RGS22: variants seen among roughly 807,000 people sequenced by gnomAD.
RGS22 encodes regulator of G protein signaling 22.
Under a neutral mutation model 172.9 loss-of-function variants are expected in RGS22, and 148 were observed. The ratio of observed to expected loss-of-function variants is 0.86; its 90% CI spans 0.75 to 0.98. The LOEUF is 0.98. RGS22 is among the 50% of genes least tolerant of loss of function. RGS22 has a pLI of 0.00. For synonymous variants in RGS22, 458 were observed against 480.2 expected (o/e 0.95, Z 0.60); for missense variants, 1,347 against 1,440.8 (o/e 0.93, Z 1.05).
intron 9 of RGS22, among the ~76,000 whole-genome samples, chr8:100,055,186 C>A (rs1267508707): frequency 6.6e-6 from 1 of 152,182 alleles, no homozygotes; most frequent in Non-Finnish European, 1.5e-5. Flanking sequence ...GTGGTTACAG[C>A]AGGGCTTGGG....
chr8:100,023,450 T>C (rs1486518583), intron 14 of RGS22, among the ~76,000 whole-genome samples: 1 of 152,128 alleles, frequency 6.6e-6, no homozygotes, highest in Non-Finnish European at 1.5e-5. Context: ...AGAGCTAGGG[T>C]CTCACTCTGT....
chr8:100,080,654 C>G (rs1193543674), intron 3 of RGS22: 1 of 262,556 alleles, frequency 3.8e-6, no homozygotes, highest in Non-Finnish European at 7.3e-6. Context: ...GAAATATATA[C>G]CTGGCTCTAC....
At chr8:100,036,600 CTTTA>C (rs538508604) in intron 14 of RGS22, among the ~76,000 whole-genome samples, 96 of 152,126 alleles carry the variant, frequency 6.3e-4, no homozygotes, top group African/African-American at 2.1e-3. Flanking sequence ...TTCATAGAAA[CTTTA>C]TTTATTTATT....
intron 2 of RGS22, among the ~76,000 whole-genome samples, chr8:100,103,337 T>C (rs1813652023): frequency 1.3e-5 from 2 of 152,108 alleles, no homozygotes; most frequent in African/African-American, 2.4e-5. Flanking sequence ...AATGAGACAG[T>C]AGTTGTGTGG....
chr8:100,093,787 T>C (rs965315124), intron 2 of RGS22, among the ~76,000 whole-genome samples: 2 of 152,162 alleles, frequency 1.3e-5, no homozygotes, highest in African/African-American at 4.8e-5. Flanking sequence ...ATGAAAAATA[T>C]AGCACAACAC....
intron 9 of RGS22, among the ~76,000 whole-genome samples, chr8:100,060,498 T>C (rs1241800217): frequency 6.7e-6 from 1 of 148,970 alleles, no homozygotes; most frequent in Non-Finnish European, 1.5e-5. Context: ...AAGAATGTGC[T>C]CCAAGCTGAC....
chr8:100,065,060 C>A (rs946210124), intron 7 of RGS22, among the ~76,000 whole-genome samples: 6 of 152,220 alleles, frequency 3.9e-5, no homozygotes, highest in African/African-American at 1.4e-4. Context: ...AAATCTGCGC[C>A]TTGAATTGCC....
At chr8:100,009,177 G>C (rs911438831) in intron 14 of RGS22, among the ~76,000 whole-genome samples, 4 of 152,158 alleles carry the variant, frequency 2.6e-5, no homozygotes, top group Non-Finnish European at 5.9e-5. Flanking sequence ...CAGCACTTTG[G>C]GAGGCCAAGG....
At chr8:100,095,338 C>T (rs1441490833) in intron 2 of RGS22, among the ~76,000 whole-genome samples, 3 of 152,088 alleles carry the variant, frequency 2.0e-5, no homozygotes, top group Non-Finnish European at 2.9e-5. Flanking sequence ...CACATGCCAC[C>T]GTGCCCAGCT....
chr8:100,008,435 A>G lies in RGS22; in HGVS notation c.2301T>C (p.Leu767=). Residue 767 remains leucine (L), a synonymous_variant, in exon 15 of 28, where the codon CTT becomes CTC. Coordinates refer to ENST00000360863, the MANE Select transcript of RGS22 (RefSeq NM_015668.5). ...DLFDTAEEYI[L]LLLLEPWTKM... Reference sequence around the variant, plus strand: ...TTGTCCATGGCTCAAGAAGGAGGAGAAGGATATATTCCTCTGCTGTGTCAA... The same window carrying G: ...TTGTCCATGGCTCAAGAAGGAGGAGGAGGATATATTCCTCTGCTGTGTCAA... 6.2e-7 allele frequency: 1 copy of G among 1,613,234 alleles called. No individual in the cohort carries two copies. Among genetic ancestry groups the G allele is most frequent in the East Asian group, 2.2e-5 (1 of 44,868 alleles).
chr8:100,093,416 T>C (rs1812734538), intron 3 of RGS22, 31 bp downstream of exon 3: 3 of 1,337,362 alleles, frequency 2.2e-6, no homozygotes, highest in East Asian at 2.3e-5. Context: ...TTTGATAATA[T>C]ATATTCAATA....
intron 3 of RGS22, among the ~76,000 whole-genome samples, chr8:100,088,028 A>G (rs1010913383): frequency 2.6e-5 from 4 of 152,098 alleles, no homozygotes; most frequent in African/African-American, 7.2e-5. Context: ...ATTTCTGAGT[A>G]TTTAGATTTT....
intron 23 of RGS22, among the ~76,000 whole-genome samples, chr8:99,970,090 G>A (rs1031994167): frequency 1.3e-5 from 2 of 152,106 alleles, no homozygotes; most frequent in Non-Finnish European, 2.9e-5. Context: ...ATTTGAAACT[G>A]CACAACTATA....
At chr8:99,986,412 G>A (rs1337917063) in intron 21 of RGS22, among the ~76,000 whole-genome samples, 2 of 152,132 alleles carry the variant, frequency 1.3e-5, no homozygotes, top group Admixed American at 6.5e-5. Flanking sequence ...ATAGTTATAG[G>A]CCATTTGAAA....
intron 2 of RGS22, among the ~76,000 whole-genome samples, chr8:100,098,854 ATTATTTTATTTATT>A (rs1322779604): frequency 1.4e-4 from 3 of 21,512 alleles, no homozygotes; most frequent in Non-Finnish European, 2.4e-4. Context: ...TATTTATTTT[ATTATTTTATTTATT>A]TTATTTTATT....
chr8:100,028,102 C>G (rs1406332954), intron 14 of RGS22, among the ~76,000 whole-genome samples: 1 of 152,186 alleles, frequency 6.6e-6, no homozygotes, highest in Non-Finnish European at 1.5e-5. Context: ...CTTTTCGCCT[C>G]TAAGAGCCCA....
Position 100,105,916 on chromosome 8 carries a change from G to T in RGS22, c.6C>A (p.Pro2=), listed in dbSNP as rs1196819503. M[P]EKRLTAEPPT... ...ACCTACCCGCGGTGAGCCTCTTCTC[G>T]GGCATGCCGTCCCCGCTGCCCGCGC... is the stretch of plus-strand genomic sequence containing the variant. Residue 2 remains proline (P), a synonymous_variant, in exon 1 of 28, where the codon CCC becomes CCA. Coordinates refer to ENST00000360863, the MANE Select transcript of RGS22 (RefSeq NM_015668.5). 2 of 1,492,084 alleles carry T rather than the reference G, an allele frequency of 1.3e-6. No individual in the cohort carries two copies. Among genetic ancestry groups the T allele is most frequent in the African/African-American group, 2.9e-5 (2 of 68,338 alleles). The allele number at this position is 1,492,084 out of a possible 1,614,324, so 92.4% of individuals were successfully genotyped here. A position where few individuals can be genotyped will look rare whatever the true frequency, so the allele number is the denominator to read the frequency against.
At chr8:100,098,053 TTTCCCCTTTATTCACGTACCTATC>T (rs1447629138) in intron 2 of RGS22, among the ~76,000 whole-genome samples, 2 of 152,122 alleles carry the variant, frequency 1.3e-5, no homozygotes, top group African/African-American at 2.4e-5. Flanking sequence ...CCAGAAAAAT[TTTCCCCTTTATTCACGTACCTATC>T]TTTTTTCTTC....
At position 100,041,662 on chromosome 8, in the gene RGS22, T is replaced by A. The variant is rs1406537396; in HGVS notation, c.1938+140A>T. 5.5e-6 allele frequency: 3 copies of A among 546,860 alleles called. No homozygotes were observed. The African/African-American group carries it at 5.7e-5, about 10-fold the overall frequency. The allele number at this position is 546,860 out of a possible 1,614,324, so 33.9% of individuals were successfully genotyped here. A position where few individuals can be genotyped will look rare whatever the true frequency, so the allele number is the denominator to read the frequency against. On this transcript the variant is annotated intron_variant, in intron 12 of 27. Coordinates refer to ENST00000360863, the MANE Select transcript of RGS22 (RefSeq NM_015668.5). Reference sequence around the variant, plus strand: ...CACAGAGGAAATATTTGTGTAAAAATCCTTTGGCAAGGAAAAAAATCAAAT... The same window carrying A: ...CACAGAGGAAATATTTGTGTAAAAAACCTTTGGCAAGGAAAAAAATCAAAT...
Sources: gnomAD v4.1 joint callset for allele counts (sites outside exome capture counted in the v4.1 genomes callset) on GRCh38, gnomAD v4.1.1 for gene constraint, MANE v1.5 for transcripts, NCBI Gene and HGNC (gene_info 2026-07-23, HGNC 2026-07-21) for gene names.